KCNQ3: variants seen among roughly 807,000 people sequenced by gnomAD.
KCNQ3 encodes the protein potassium voltage-gated channel subfamily KQT member 3.
KCNQ3 carries 30 observed loss-of-function variants against 92.5 expected under a neutral mutation model. The ratio of observed to expected loss-of-function variants is 0.32; its 90% confidence interval spans 0.24 to 0.44. The LOEUF (loss-of-function observed/expected upper bound fraction) is 0.44, where lower values mean the gene tolerates loss of function less well. Among genes scored for constraint, KCNQ3 ranks in the 20% least tolerant of loss-of-function variants. KCNQ3 has a pLI of 1.00. For missense variants in KCNQ3, 913 were observed against 1,140.3 expected (o/e 0.80, Z 2.87); for synonymous variants, 450 against 468.8 (o/e 0.96, Z 0.52).
intron 8 of KCNQ3, 130 bp downstream of exon 8, chr8:132,170,204 G>A (rs1664982275): frequency 2.7e-6 from 2 of 736,688 alleles, no homozygotes; most frequent in East Asian, 2.6e-5. Context: ...TAATTCTAGG[G>A]TGCAGCCCAA....
intron 8 of KCNQ3, among the ~76,000 whole-genome samples, chr8:132,167,164 C>A (rs985999065): frequency 6.7e-6 from 1 of 148,174 alleles, no homozygotes; most frequent in East Asian, 1.9e-4. Context: ...GTGAAAGAAA[C>A]CATGCATAAA....
chr8:132,235,803 A>G (rs1208680142), intron 1 of KCNQ3, among the ~76,000 whole-genome samples: 1 of 152,208 alleles, frequency 6.6e-6, no homozygotes, highest in African/African-American at 2.4e-5. Flanking sequence ...CTCAGCCAAA[A>G]TATCATTTTC....
At chr8:132,338,225 G>T (rs1279780538) in intron 1 of KCNQ3, among the ~76,000 whole-genome samples, 1 of 152,174 alleles carries the variant, frequency 6.6e-6, no homozygotes, top group African/African-American at 2.4e-5. Context: ...AGGTGAGGAG[G>T]CTTAGGCATG....
At chr8:132,375,371 G>C (rs150071016) in intron 1 of KCNQ3, among the ~76,000 whole-genome samples, 3 of 151,994 alleles carry the variant, frequency 2.0e-5, no homozygotes, top group Non-Finnish European at 4.4e-5. Flanking sequence ...GAAATCTCTC[G>C]AGTGTCTGGT....
intron 1 of KCNQ3, among the ~76,000 whole-genome samples, chr8:132,379,895 T>G (rs1819700222): frequency 6.6e-6 from 1 of 152,050 alleles, no homozygotes; most frequent in Non-Finnish European, 1.5e-5. Context: ...ATCTTTTTTT[T>G]TTTTTTTTTA....
At chr8:132,349,273 T>C (rs1818787784) in intron 1 of KCNQ3, among the ~76,000 whole-genome samples, 1 of 152,172 alleles carries the variant, frequency 6.6e-6, no homozygotes, top group Admixed American at 6.5e-5. Flanking sequence ...TCCACTTTAA[T>C]GGGGAGACTG....
At chr8:132,320,459 C>A (rs978040830) in intron 1 of KCNQ3, among the ~76,000 whole-genome samples, 1 of 152,092 alleles carries the variant, frequency 6.6e-6, no homozygotes, top group African/African-American at 2.4e-5. Context: ...ATGTTATTTG[C>A]CAAAGGTCAC....
chr8:132,466,123 G>A (rs1296703016), intron 1 of KCNQ3, among the ~76,000 whole-genome samples: 1 of 152,048 alleles, frequency 6.6e-6, no homozygotes, highest in Non-Finnish European at 1.5e-5. Flanking sequence ...TAACAGCTTA[G>A]AAAGTTTAGC....
chr8:132,377,896 G>A (rs1195477348), intron 1 of KCNQ3, among the ~76,000 whole-genome samples: 1 of 152,102 alleles, frequency 6.6e-6, no homozygotes, highest in East Asian at 1.9e-4. Context: ...AGAAACACTG[G>A]CATTGTTAGA....
intron 1 of KCNQ3, among the ~76,000 whole-genome samples, chr8:132,339,698 C>T (rs1818464419): frequency 6.6e-6 from 1 of 152,064 alleles, no homozygotes; most frequent in Non-Finnish European, 1.5e-5. Context: ...AAGCAAACAG[C>T]CCCTGTATCC....
In KCNQ3 at chr8:132,172,477, T is replaced by C. The variant is rs1210764800; in HGVS notation, c.1140+121A>G. 7 of 876,262 alleles carry C rather than the reference T, an allele frequency of 8.0e-6. No individual in the cohort carries two copies. The Admixed American group carries it at 1.2e-4, about 15-fold the overall frequency. 54.3% of individuals were successfully genotyped at this position (876,262 alleles called of 1,614,324 possible). A position where few individuals can be genotyped will look rare whatever the true frequency, so the allele number is the denominator to read the frequency against. On this transcript the variant is annotated intron_variant, in intron 7 of 14. Coordinates refer to ENST00000388996, the MANE Select transcript of KCNQ3 (RefSeq NM_004519.4). ...CAGACACACATGGAATCCTGGGTCCTGTCCCAGTTCATGAGTATGTCCCCT... is the reference window on the plus strand; with the variant it reads ...CAGACACACATGGAATCCTGGGTCCCGTCCCAGTTCATGAGTATGTCCCCT...
At chr8:132,468,420 T>G (rs1358706788) in intron 1 of KCNQ3, among the ~76,000 whole-genome samples, 1 of 152,166 alleles carries the variant, frequency 6.6e-6, no homozygotes, top group Non-Finnish European at 1.5e-5. Context: ...AGAAATAAAC[T>G]TAAACTGCTG....
intron 1 of KCNQ3, among the ~76,000 whole-genome samples, chr8:132,386,429 T>C (rs1056832520): frequency 2.6e-5 from 4 of 152,156 alleles, no homozygotes. Flanking sequence ...ATATCAGTTT[T>C]TAAATCTCAA....
intron 9 of KCNQ3, among the ~76,000 whole-genome samples, chr8:132,152,243 G>A (rs1172072497): frequency 6.6e-6 from 1 of 152,130 alleles, no homozygotes; most frequent in Non-Finnish European, 1.5e-5. Context: ...AGCAAAACAA[G>A]AGCTAACCGA....
intron 1 of KCNQ3, among the ~76,000 whole-genome samples, chr8:132,416,451 A>G (rs1451421036): frequency 6.6e-6 from 1 of 152,090 alleles, no homozygotes; most frequent in African/African-American, 2.4e-5. Flanking sequence ...AACATGGTGA[A>G]ACCTCATCTC....
intron 1 of KCNQ3, among the ~76,000 whole-genome samples, chr8:132,245,330 G>A (rs1815134331): frequency 1.3e-5 from 2 of 152,114 alleles, no homozygotes; most frequent in South Asian, 4.1e-4. Flanking sequence ...TAGGCCTGTT[G>A]TTCAGTGTCA....
intron 1 of KCNQ3, among the ~76,000 whole-genome samples, chr8:132,334,332 G>T (rs1008490089): frequency 1.3e-5 from 2 of 151,934 alleles, no homozygotes; most frequent in Non-Finnish European, 1.5e-5. Flanking sequence ...AATTAGCCAG[G>T]TGTGGTGGCA....
chr8:132,243,695 T>C (rs1237548316), intron 1 of KCNQ3, among the ~76,000 whole-genome samples: 1 of 152,204 alleles, frequency 6.6e-6, no homozygotes, highest in African/African-American at 2.4e-5. Flanking sequence ...GATAAATGAC[T>C]TAATCTCCCC....
intron 1 of KCNQ3, among the ~76,000 whole-genome samples, chr8:132,268,593 T>G (rs1332490707): frequency 6.6e-6 from 1 of 152,222 alleles, no homozygotes; most frequent in African/African-American, 2.4e-5. Context: ...AGTAGTACAT[T>G]GTCTGAATAT....
Sources: gnomAD v4.1 joint callset for allele counts (sites outside exome capture counted in the v4.1 genomes callset) on GRCh38, gnomAD v4.1.1 for gene constraint, MANE v1.5 for transcripts, NCBI Gene and HGNC (gene_info 2026-07-23, HGNC 2026-07-21) for gene names.